Variants in MAMLD1 observed in about 807,000 individuals in gnomAD.
The protein encoded by MAMLD1 is mastermind-like domain-containing protein 1.
MAMLD1 carries 14 observed loss-of-function variants against 45.0 expected under a neutral mutation model. The observed-to-expected ratio is 0.31, with a 90% confidence interval of 0.21 to 0.49. MAMLD1 has a LOEUF of 0.49. Among genes scored for constraint, MAMLD1 ranks in the 20% least tolerant of loss-of-function variants. The probability of loss-of-function intolerance (pLI) is 0.99; values close to 1 mark genes in which losing one functional copy is unlikely to be tolerated. For missense variants in MAMLD1, 543 were observed against 603.6 expected (o/e 0.90, Z 1.05); for synonymous variants, 254 against 247.8 (o/e 1.02, Z -0.24).
At chrX:150,408,275 G>C (rs2124531569) in intron 1 of MAMLD1, among the ~76,000 whole-genome samples, 1 of 111,192 alleles carries the variant, frequency 9.0e-6, no homozygotes, top group African/African-American at 3.3e-5. Flanking sequence ...GAGGCCACCT[G>C]TACTATATCT....
chrX:150,373,528 T>A (rs1178123714), intron 1 of MAMLD1, among the ~76,000 whole-genome samples: 1 of 111,398 alleles, frequency 9.0e-6, no homozygotes, highest in Non-Finnish European at 1.9e-5. Context: ...ACTCACCCTC[T>A]CTCAGGAGTA....
rs370886777 is a variant in MAMLD1, at chrX:150,382,936, G to A, written c.-64+19406G>A. Among the ~76,000 whole-genome samples the A allele has an allele frequency of 5.9e-4, 12 of 20,478 alleles. 2 individuals carry two copies. In the South Asian group the frequency reaches 0.013, roughly 23 times the overall value. The allele number at this position is 20,478 out of a possible 115,157, so 17.8% of individuals were successfully genotyped here. A position where few individuals can be genotyped will look rare whatever the true frequency, so the allele number is the denominator to read the frequency against. ...TTTTTTTTTTTTGAGACGGAGTCTC[G>A]CTCTGTCGCCCAGGCTGGACTGCAG... On this transcript the variant is annotated intron_variant, in intron 1 of 7. Transcript: ENST00000370401.
chrX:150,370,352 A>G (rs1175356636), intron 1 of MAMLD1, among the ~76,000 whole-genome samples: 2 of 111,781 alleles, frequency 1.8e-5, no homozygotes, highest in African/African-American at 6.5e-5. Flanking sequence ...GAGGAGGAAA[A>G]TTTCATAAAT....
intron 5 of MAMLD1, among the ~76,000 whole-genome samples, chrX:150,487,577 TAG>T (rs1172621842): frequency 3.6e-5 from 4 of 111,758 alleles, no homozygotes; most frequent in African/African-American, 1.3e-4. Context: ...CATTGGGTCT[TAG>T]AATAGGAGTA....
intron 3 of MAMLD1, among the ~76,000 whole-genome samples, chrX:150,464,029 G>A (rs2036138128): frequency 8.9e-6 from 1 of 112,149 alleles, no homozygotes; most frequent in Admixed American, 9.4e-5. Flanking sequence ...TCTCCTCAGT[G>A]AGTACAATGG....
At position 150,475,679 on chromosome X, in the gene MAMLD1, A is replaced by T. The variant is rs73615213; in HGVS notation, c.2040+1877A>T. ...GGCTCAAGTCTGGCTACAGATGCTGACTGATTCAGGTCCCATGAGCAATGT... is the reference window on the plus strand; with the variant it reads ...GGCTCAAGTCTGGCTACAGATGCTGTCTGATTCAGGTCCCATGAGCAATGT... On this transcript the variant is annotated intron_variant, in intron 5 of 7. Transcript: ENST00000370401. Among the ~76,000 whole-genome samples, 782 of 112,267 alleles carry T rather than the reference A, an allele frequency of 7.0e-3. 7 individuals carry two copies. Among genetic ancestry groups the T allele is most frequent in the African/African-American group, 0.024 (742 of 30,896 alleles).
At chrX:150,454,850 A>G (rs1557405247) in intron 2 of MAMLD1, among the ~76,000 whole-genome samples, 3 of 109,776 alleles carry the variant, frequency 2.7e-5, no homozygotes, top group African/African-American at 1.0e-4. Flanking sequence ...CACCATCCCA[A>G]TTGCCACCAC....
chrX:150,444,319 T>C (rs188844734), intron 1 of MAMLD1, among the ~76,000 whole-genome samples: 8 of 112,033 alleles, frequency 7.1e-5, no homozygotes, highest in African/African-American at 2.6e-4. Flanking sequence ...TTTTCTGTCT[T>C]GCTAGGTTAC....
chrX:150,416,709 TC>T (rs2034257726), intron 1 of MAMLD1, among the ~76,000 whole-genome samples: 1 of 112,472 alleles, frequency 8.9e-6, no homozygotes, highest in Non-Finnish European at 1.9e-5. Context: ...ATTAAATTGT[TC>T]CCTCCAAAGC....
chrX:150,491,248 A>G (rs2037178050), intron 5 of MAMLD1, among the ~76,000 whole-genome samples: 1 of 111,946 alleles, frequency 8.9e-6, no homozygotes, highest in South Asian at 3.7e-4. Context: ...GTCTGAGGTC[A>G]TACAGCTGCC....
rs141723342 is a variant in MAMLD1 at position 150,382,504 on chromosome X, G to A, written c.-64+18974G>A. On this transcript the variant is annotated intron_variant, in intron 1 of 7. Coordinates refer to ENST00000370401, the MANE Select transcript of MAMLD1 (RefSeq NM_005491.5). ...TATATTTTAGAATAACCTTGTCTAC[G>A]TCTACAAAAAACTTTGCTGAGATTT... Among the ~76,000 whole-genome samples, 831 of 111,354 alleles carry A rather than the reference G, an allele frequency of 7.5e-3. 6 individuals carry two copies. Among genetic ancestry groups the A allele is most frequent in the Non-Finnish European group, 0.01 (536 of 52,992 alleles).
chrX:150,497,431 G>A (rs782305639), intron 5 of MAMLD1, among the ~76,000 whole-genome samples: 17 of 108,370 alleles, frequency 1.6e-4, no homozygotes, highest in South Asian at 4.1e-4. Context: ...CTACAGGCAC[G>A]CACCACCATG....
intron 2 of MAMLD1, among the ~76,000 whole-genome samples, chrX:150,450,451 A>G (rs1557405022): frequency 8.9e-6 from 1 of 111,841 alleles, no homozygotes; most frequent in African/African-American, 3.3e-5. Context: ...GTCCCCTTCC[A>G]AGACCCAGGT....
intron 7 of MAMLD1, among the ~76,000 whole-genome samples, chrX:150,510,900 G>A (rs2037877272): frequency 8.9e-6 from 1 of 112,061 alleles, no homozygotes; most frequent in South Asian, 3.7e-4. Flanking sequence ...GTCCAGGCTG[G>A]AGTGCCACAT....
At chrX:150,468,021 C>A (rs1421223457) in intron 3 of MAMLD1, among the ~76,000 whole-genome samples, 3 of 112,361 alleles carry the variant, frequency 2.7e-5, no homozygotes, top group Non-Finnish European at 5.6e-5. Flanking sequence ...GGTTCAGTGG[C>A]AAGGCCAAGG....
chrX:150,508,446 A>C (rs1176603440), intron 6 of MAMLD1, among the ~76,000 whole-genome samples: 2 of 101,299 alleles, frequency 2.0e-5, no homozygotes, highest in Non-Finnish European at 4.0e-5. Flanking sequence ...CTCACTGCCC[A>C]CACGGCAGCT....
chrX:150,415,998 G>A (rs931869441), intron 1 of MAMLD1, among the ~76,000 whole-genome samples: 4 of 111,880 alleles, frequency 3.6e-5, no homozygotes, highest in African/African-American at 1.3e-4. Context: ...GAGCACAGTT[G>A]ACTGGGGGCC....
intron 1 of MAMLD1, among the ~76,000 whole-genome samples, chrX:150,415,646 T>C (rs2034229529): frequency 1.8e-5 from 2 of 112,328 alleles, no homozygotes; most frequent in African/African-American, 6.5e-5. Context: ...GGAGTGTTTC[T>C]GAATTGATAA....
intron 1 of MAMLD1, among the ~76,000 whole-genome samples, chrX:150,409,536 G>C (rs946043425): frequency 1.8e-5 from 2 of 111,539 alleles, no homozygotes; most frequent in Non-Finnish European, 3.8e-5. Flanking sequence ...AGGGCTTAAG[G>C]GTGCACTGGG....
Sources: allele counts gnomAD v4.1 joint callset (sites outside exome capture counted in the v4.1 genomes callset), GRCh38; gene constraint gnomAD v4.1.1; transcripts MANE v1.5; gene names NCBI Gene and HGNC (gene_info 2026-07-23, HGNC 2026-07-21).